The following METAP1D variants were observed in gnomAD, a reference collection of about 807,000 sequenced individuals.
The protein encoded by METAP1D is methionine aminopeptidase 1D, mitochondrial.
A neutral mutation model predicts 40.5 loss-of-function variants in METAP1D; 31 were observed. That is an observed-to-expected ratio of 0.77 (90% confidence interval 0.58 to 1.03). The LOEUF (loss-of-function observed/expected upper bound fraction) is 1.03, where lower values mean the gene tolerates loss of function less well. Ranked by LOEUF, METAP1D falls within the 50% of genes least tolerant of loss-of-function variation. The pLI is 0.00. For missense variants in METAP1D, 411 were observed against 420.7 expected (o/e 0.98, Z 0.20); for synonymous variants, 151 against 146.4 (o/e 1.03, Z -0.22).
chr2:172,078,423 C>T (rs1181940935), intron 7 of METAP1D, among the ~76,000 whole-genome samples: 1 of 152,134 alleles, frequency 6.6e-6, no homozygotes, highest in African/African-American at 2.4e-5. Flanking sequence ...CCTGGGTGTG[C>T]ACCCTATAGT....
chr2:172,057,761 A>G (rs1236944135), intron 1 of METAP1D, among the ~76,000 whole-genome samples: 1 of 152,174 alleles, frequency 6.6e-6, no homozygotes. Context: ...GTGCCTCAGT[A>G]TCTTCAACTG....
chr2:172,073,507 GATCA>G (rs1394081648), intron 6 of METAP1D, among the ~76,000 whole-genome samples: 6 of 152,176 alleles, frequency 3.9e-5, no homozygotes, highest in Non-Finnish European at 5.9e-5. Flanking sequence ...TTGAAAACCA[GATCA>G]GTCAGTCCCA....
chr2:172,034,405 T>TGTG lies in METAP1D; in HGVS notation c.41-27093_41-27092insGTG, dbSNP rs1559002628. Among the ~76,000 whole-genome samples, 8 of 142,240 alleles carry TGTG rather than the reference T, an allele frequency of 5.6e-5. 1 individual carries two copies. In the East Asian group the frequency reaches 2.1e-3, roughly 37 times the overall value. The allele number at this position is 142,240 out of a possible 152,430, so 93.3% of individuals were successfully genotyped here. Reference sequence around the variant, plus strand: ...CATTAGCCTCCATAAGTCTCAGTTTTTGTGTGTGTGTGTGTGTGTGTGTGT... The same window carrying TGTG: ...CATTAGCCTCCATAAGTCTCAGTTTTGTGTGTGTGTGTGTGTGTGTGTGTGTGT... On this transcript the variant is annotated intron_variant, in intron 1 of 9. Coordinates refer to ENST00000315796, the MANE Select transcript of METAP1D (RefSeq NM_199227.3).
intron 5 of METAP1D, among the ~76,000 whole-genome samples, chr2:172,068,423 CA>C (rs1331276159): frequency 6.6e-6 from 1 of 151,866 alleles, no homozygotes; most frequent in Non-Finnish European, 1.5e-5. Context: ...AAATGAAGTA[CA>C]AGTACTAGTT....
In METAP1D at chr2:172,080,379, C is replaced by G. The variant is rs12473549; in HGVS notation, c.981C>G (p.Ile327Met). The G allele has an allele frequency of 6.2e-7, 1 of 1,614,002 alleles. No individual in the cohort carries two copies. Among genetic ancestry groups the G allele is most frequent in the East Asian group, 2.2e-5 (1 of 44,888 alleles). Residue 327 changes from isoleucine to methionine, a missense_variant, in exon 10 of 10, where the codon ATC becomes ATG. Transcript: ENST00000315796. ...TGATCACGTCGAGGGGCGCGCAGAT[C>G]CTGACCAAACTACCCCATGAGGCCT... ...TVLITSRGAQILTKLPHEA is the reference protein window; with the variant it reads ...TVLITSRGAQMLTKLPHEA
chr2:172,076,186 A>G (rs890943688), intron 6 of METAP1D, among the ~76,000 whole-genome samples: 2 of 139,898 alleles, frequency 1.4e-5, no homozygotes, highest in African/African-American at 2.5e-5. Context: ...CTCTAAAAAC[A>G]AAAAAAAAAG....
At chr2:172,079,955 G>A (rs1302413431) in intron 8 of METAP1D, among the ~76,000 whole-genome samples, 173 bp from the exon 9 acceptor site, 1 of 152,104 alleles carries the variant, frequency 6.6e-6, no homozygotes, top group Admixed American at 6.5e-5. Flanking sequence ...TTAGTTTGTA[G>A]TATACTATGT....
At chr2:172,025,912 T>C (rs1363441815) in intron 1 of METAP1D, among the ~76,000 whole-genome samples, 3 of 152,198 alleles carry the variant, frequency 2.0e-5, no homozygotes, top group Admixed American at 6.5e-5. Context: ...GATATATCAT[T>C]ACATCTAGTA....
intron 1 of METAP1D, among the ~76,000 whole-genome samples, chr2:172,049,465 G>A (rs1008083928): frequency 5.3e-5 from 8 of 151,546 alleles, no homozygotes; most frequent in African/African-American, 1.9e-4. Context: ...ATATATATGG[G>A]CCAAATTGTA....
chr2:172,070,382 G>A (rs1690393966), intron 5 of METAP1D, among the ~76,000 whole-genome samples: 1 of 152,088 alleles, frequency 6.6e-6, no homozygotes, highest in Non-Finnish European at 1.5e-5. Flanking sequence ...TCAATTCTTA[G>A]AACTGAATTC....
At position 172,043,730 on chromosome 2, in the gene METAP1D, C is replaced by G. The variant is rs544416553; in HGVS notation, c.41-17768C>G. 1.5e-5 allele frequency among the ~76,000 whole-genome samples: 2 copies of G among 134,300 alleles called. 1 individual carries two copies. Among genetic ancestry groups the G allele is most frequent in the African/African-American group, 5.0e-5 (2 of 39,652 alleles). The allele number at this position is 134,300 out of a possible 152,430, so 88.1% of individuals were successfully genotyped here. A position where few individuals can be genotyped will look rare whatever the true frequency, so the allele number is the denominator to read the frequency against. On this transcript the variant is annotated intron_variant, in intron 1 of 9. Transcript: ENST00000315796. Reference sequence around the variant, plus strand: ...GGCCTGTATGGAGAAAACATTAGATCTCCAGTGATGGACATTTAAGAACAC... The same window carrying G: ...GGCCTGTATGGAGAAAACATTAGATGTCCAGTGATGGACATTTAAGAACAC...
intron 1 of METAP1D, among the ~76,000 whole-genome samples, chr2:172,037,265 GAA>G (rs34817409): frequency 1.3e-5 from 2 of 149,092 alleles, no homozygotes; most frequent in South Asian, 2.1e-4. Context: ...TCCATCTCAA[GAA>G]AAAAAAAAAG....
intron 1 of METAP1D, among the ~76,000 whole-genome samples, chr2:172,012,607 C>T (rs1480470119): frequency 6.6e-6 from 1 of 152,056 alleles, no homozygotes; most frequent in Non-Finnish European, 1.5e-5. Context: ...TCTCGCAAAG[C>T]CAGTTTTTGT....
chr2:172,007,965 C>G (rs917495880), intron 1 of METAP1D, among the ~76,000 whole-genome samples: 7 of 152,022 alleles, frequency 4.6e-5, no homozygotes, highest in Admixed American at 3.3e-4. Flanking sequence ...GGATTACAGG[C>G]ATGAGCCACC....
intron 1 of METAP1D, among the ~76,000 whole-genome samples, chr2:172,045,797 A>ATGTGTGTGTG (rs763858243): frequency 3.2e-5 from 1 of 31,144 alleles, no homozygotes; most frequent in Admixed American, 5.1e-4. Flanking sequence ...ATATGTATAT[A>ATGTGTGTGTG]TGTGTGTGTG....
intron 1 of METAP1D, among the ~76,000 whole-genome samples, chr2:172,030,768 A>T (rs1288463384): frequency 1.3e-5 from 2 of 152,218 alleles, no homozygotes; most frequent in African/African-American, 4.8e-5. Context: ...TAAAATTGGA[A>T]ATATATTTAG....
intron 1 of METAP1D, among the ~76,000 whole-genome samples, chr2:172,015,785 C>A (rs904254349): frequency 6.6e-6 from 1 of 152,008 alleles, no homozygotes; most frequent in Non-Finnish European, 1.5e-5. Flanking sequence ...CATAGTGAGA[C>A]CCCCATCTTT....
intron 1 of METAP1D, among the ~76,000 whole-genome samples, chr2:172,031,834 G>C (rs571767471): frequency 6.6e-6 from 1 of 152,186 alleles, no homozygotes; most frequent in Non-Finnish European, 1.5e-5. Context: ...GCCCTACGTC[G>C]TTGACTTTTC....
At chr2:172,025,259 G>A (rs1378259919) in intron 1 of METAP1D, among the ~76,000 whole-genome samples, 1 of 152,104 alleles carries the variant, frequency 6.6e-6, no homozygotes, top group Non-Finnish European at 1.5e-5. Context: ...CAGGATATAT[G>A]GTGTAGATGT....
Sources: gnomAD v4.1 joint callset for allele counts (sites outside exome capture counted in the v4.1 genomes callset) on GRCh38, gnomAD v4.1.1 for gene constraint, MANE v1.5 for transcripts, NCBI Gene and HGNC (gene_info 2026-07-23, HGNC 2026-07-21) for gene names.